Variants in KCNC2 observed in about 807,000 individuals in gnomAD.
KCNC2 encodes potassium voltage-gated channel subfamily C member 2, also known as voltage-gated potassium channel KCNC2.
KCNC2 carries 21 observed loss-of-function variants against 44.5 expected under a neutral mutation model. The ratio of observed to expected loss-of-function variants is 0.47; its 90% CI spans 0.33 to 0.68. The LOEUF is 0.68. Among genes scored for constraint, KCNC2 ranks in the 30% least tolerant of loss-of-function variants. The probability of loss-of-function intolerance (pLI) is 0.01; values close to 1 mark genes in which losing one functional copy is unlikely to be tolerated. For synonymous variants in KCNC2, 391 were observed against 339.1 expected, an observed-to-expected ratio of 1.15 and a Z score of -1.68; for missense variants, 589 against 826.2, an observed-to-expected ratio of 0.71 and a Z score of 3.52.
chr12:75,043,113 T>C lies in KCNC2; in HGVS notation c.1909A>G (p.Ile637Val). 1.2e-6 allele frequency: 2 copies of C among 1,612,068 alleles called. No individual in the cohort carries two copies. The highest frequency in any genetic ancestry group is 2.2e-5 in the South Asian group (2 of 90,992). ...CAGTTTGGTTGTTTGGTTTACAAGATAGATGGGATGGGAGATCGAGAGCGC... is the reference window on the plus strand; with the variant it reads ...CAGTTTGGTTGTTTGGTTTACAAGACAGATGGGATGGGAGATCGAGAGCGC... Reference protein sequence around the residue: ...LRRSRSPIPSIL With the variant: ...LRRSRSPIPSVL The change falls in exon 5 of 5, where the codon ATC (isoleucine) becomes GTC (valine). Residue 637 changes from isoleucine (I) to valine (V), a missense_variant. This residue lies in a region of KCNC2 where 171 missense variants were observed against 182.4 expected (regional missense o/e 0.94). Transcript: ENST00000549446.
In KCNC2 at chr12:75,191,527, A is replaced by ATTTTTTTTTTTTTTTTTTTTTT. The variant is rs1555174221; in HGVS notation, c.687+15748_687+15769dup. Among the ~76,000 whole-genome samples the ATTTTTTTTTTTTTTTTTTTTTT allele has an allele frequency of 1.5e-4, 5 of 33,308 alleles. 1 individual carries two copies. The highest frequency in any genetic ancestry group is 8.6e-4 in the East Asian group (1 of 1,166). The allele number at this position is 33,308 out of a possible 152,430, so 21.9% of individuals were successfully genotyped here. A position where few individuals can be genotyped will look rare whatever the true frequency, so the allele number is the denominator to read the frequency against. ...TATTATTATTATTATTATTATTATT[A>ATTTTTTTTTTTTTTTTTTTTTT]TTTTTTTTTTTTTTTTTTTTTTTTT... On this transcript the variant is annotated intron_variant, in intron 2 of 4. Coordinates refer to ENST00000549446, the MANE Select transcript of KCNC2 (RefSeq NM_139137.4).
In KCNC2 at chr12:75,099,241, T is replaced by C. The variant is rs952459000; in HGVS notation, c.688-47924A>G. ...CATTTGTTCTCAGATAAATTTACTT[T>C]CTAAGATTCAAATGAGAGTAAAAAC... On this transcript the variant is annotated intron_variant, in intron 2 of 4. Coordinates refer to ENST00000549446, the MANE Select transcript of KCNC2 (RefSeq NM_139137.4). Among the ~76,000 whole-genome samples, 13 of 152,184 alleles carry C rather than the reference T, an allele frequency of 8.5e-5. 1 individual carries two copies. The highest frequency in any genetic ancestry group is 8.3e-4 in the South Asian group (4 of 4,832).
At chr12:75,197,206 C>G (rs1444924901) in intron 2 of KCNC2, among the ~76,000 whole-genome samples, 1 of 151,990 alleles carries the variant, frequency 6.6e-6, no homozygotes, top group Admixed American at 6.6e-5. Context: ...GACTGAGAGT[C>G]TTACATCTAA....
chr12:75,042,928 G>A lies in KCNC2; in HGVS notation c.*177C>T. On this transcript the variant is annotated 3_prime_UTR_variant, in exon 5 of 5. Transcript: ENST00000549446. ...CTACTTTAGACAATCTTTAAAGCCTGGGTAAGATTCATTAGCTACCCAAGT... is the reference window on the plus strand; with the variant it reads ...CTACTTTAGACAATCTTTAAAGCCTAGGTAAGATTCATTAGCTACCCAAGT... 1 of 1,403,880 alleles carries A rather than the reference G, an allele frequency of 7.1e-7. No individual in the cohort carries two copies. The highest frequency in any genetic ancestry group is 9.2e-7 in the Non-Finnish European group (1 of 1,081,292). The allele number at this position is 1,403,880 out of a possible 1,614,324, so 87.0% of individuals were successfully genotyped here.
At chr12:75,186,013 T>C (rs1565675411) in intron 2 of KCNC2, among the ~76,000 whole-genome samples, 1 of 151,200 alleles carries the variant, frequency 6.6e-6, no homozygotes, top group Non-Finnish European at 1.5e-5. Flanking sequence ...GCCATTGCAC[T>C]CCAGCCTGGG....
chr12:75,191,893 A>G (rs760008637), intron 2 of KCNC2, among the ~76,000 whole-genome samples: 2 of 152,076 alleles, frequency 1.3e-5, no homozygotes, highest in Non-Finnish European at 2.9e-5. Flanking sequence ...CTATCTTACA[A>G]TGGTTTTTCC....
intron 2 of KCNC2, 62 bp from the exon 3 acceptor site, chr12:75,051,379 T>C (rs1437455898): frequency 1.7e-5 from 16 of 944,030 alleles, no homozygotes; most frequent in Non-Finnish European, 2.5e-5. Context: ...ATGTTGATTC[T>C]AATCTAAAAG....
intron 2 of KCNC2, among the ~76,000 whole-genome samples, chr12:75,056,475 T>C (rs958730318): frequency 2.0e-5 from 3 of 152,002 alleles, no homozygotes; most frequent in African/African-American, 7.2e-5. Flanking sequence ...AGTTGCATTA[T>C]TTTTAGTTTG....
At chr12:75,202,748 C>T (rs983218925) in intron 2 of KCNC2, among the ~76,000 whole-genome samples, 1 of 148,190 alleles carries the variant, frequency 6.7e-6, no homozygotes, top group African/African-American at 2.5e-5. Context: ...ATCATCATTT[C>T]TAAAAGGAAT....
intron 2 of KCNC2, among the ~76,000 whole-genome samples, chr12:75,201,817 G>C (rs970620510): frequency 2.6e-5 from 4 of 151,802 alleles, no homozygotes; most frequent in Admixed American, 6.6e-5. Flanking sequence ...ATTTCAACCA[G>C]AATTGAATTA....
At chr12:75,098,501 G>A (rs934956865) in intron 2 of KCNC2, among the ~76,000 whole-genome samples, 3 of 152,118 alleles carry the variant, frequency 2.0e-5, no homozygotes, top group African/African-American at 7.2e-5. Context: ...TCTCACTCCT[G>A]TAATCCCAGC....
chr12:75,043,834 G>GAA, intron 4 of KCNC2: 9 of 1,194,828 alleles, frequency 7.5e-6, no homozygotes, highest in Admixed American at 2.8e-5. Flanking sequence ...AAAAGTAAAG[G>GAA]AAAAAAAAAG....
intron 2 of KCNC2, among the ~76,000 whole-genome samples, chr12:75,094,165 T>C (rs1378532680): frequency 6.6e-6 from 1 of 151,728 alleles, no homozygotes; most frequent in Non-Finnish European, 1.5e-5. Flanking sequence ...TAAAGTTAAA[T>C]ATGATTCTCT....
At chr12:75,175,687 C>G (rs923828808) in intron 2 of KCNC2, among the ~76,000 whole-genome samples, 1 of 152,026 alleles carries the variant, frequency 6.6e-6, no homozygotes, top group Non-Finnish European at 1.5e-5. Context: ...AATTAATAAG[C>G]CTTCTCTGCT....
Position 75,048,318 on chromosome 12 carries a change from C to A in KCNC2, c.1616-1G>T. 1 of 1,608,242 alleles carries A rather than the reference C, an allele frequency of 6.2e-7. No homozygotes were observed. The highest frequency in any genetic ancestry group is 8.5e-7 in the Non-Finnish European group (1 of 1,177,358). On this transcript the variant is annotated splice_acceptor_variant, in intron 3 of 4. Coordinates refer to ENST00000549446, the MANE Select transcript of KCNC2 (RefSeq NM_139137.4). LOFTEE classifies it high-confidence loss of function. ...CCTGTACTGTCGTCACCTGATAACA[C>A]TGGTCACAGCACCATGCCCATTGAC...
At chr12:75,097,914 G>A (rs1200788768) in intron 2 of KCNC2, among the ~76,000 whole-genome samples, 1 of 151,986 alleles carries the variant, frequency 6.6e-6, no homozygotes, top group Non-Finnish European at 1.5e-5. Flanking sequence ...TCCTTCTATT[G>A]TTAGGAAAAT....
chr12:75,127,314 C>T (rs10506673), intron 2 of KCNC2, among the ~76,000 whole-genome samples: 25,111 of 152,022 alleles, frequency 0.17, 2,647 homozygotes, highest in African/African-American at 0.28. Context: ...TTCTTAGCTG[C>T]TGACAAGAAG....
At chr12:75,077,700 T>C (rs576118982) in intron 2 of KCNC2, among the ~76,000 whole-genome samples, 7 of 150,696 alleles carry the variant, frequency 4.6e-5, no homozygotes, top group Non-Finnish European at 7.4e-5. Flanking sequence ...CTAAGCAATG[T>C]AGGACCTATT....
At chr12:75,193,528 C>T (rs1202390261) in intron 2 of KCNC2, among the ~76,000 whole-genome samples, 1 of 151,996 alleles carries the variant, frequency 6.6e-6, no homozygotes, top group Non-Finnish European at 1.5e-5. Flanking sequence ...GCAAGAACAG[C>T]TCTATAAATA....
Sources: gnomAD v4.1 joint callset for allele counts (sites outside exome capture counted in the v4.1 genomes callset) on GRCh38, gnomAD v4.1.1 for gene constraint, gnomAD v4.1.1 regional missense constraint, MANE v1.5 for transcripts, NCBI Gene and HGNC (gene_info 2026-07-23, HGNC 2026-07-21) for gene names.